BTBD3: variants seen among roughly 807,000 people sequenced by gnomAD.
BTBD3 encodes the protein BTB domain containing 3.
Under a neutral mutation model 41.6 loss-of-function variants are expected in BTBD3, and 14 were observed. The observed-to-expected ratio is 0.34, with a 90% CI of 0.22 to 0.53. The LOEUF is 0.53. Among genes scored for constraint, BTBD3 ranks in the 20% least tolerant of loss-of-function variants. BTBD3 has a pLI of 0.95. For synonymous variants in BTBD3, 249 were observed against 233.7 expected, an observed-to-expected ratio of 1.07 and a Z score of -0.60; for missense variants, 426 against 654.7, an observed-to-expected ratio of 0.65 and a Z score of 3.81.
rs374872852 is a variant in BTBD3, at chr20:11,906,380, C to T, written c.-125-11954C>T. On this transcript the variant is annotated intron_variant, in intron 1 of 4. Transcript: ENST00000254977. ...CCCAGGCTCAAGTATTCTCCTGCCT[C>T]AGCCTCTCAAGTAGCTGGGATTACA... is the stretch of plus-strand genomic sequence containing the variant. Among the ~76,000 whole-genome samples, 106 of 146,898 alleles carry T rather than the reference C, an allele frequency of 7.2e-4. 2 individuals carry two copies. The East Asian group carries it at 0.011, about 15-fold the overall frequency.
chr20:11,891,163 G>A (rs1457364390), intron 1 of BTBD3, among the ~76,000 whole-genome samples: 1 of 146,888 alleles, frequency 6.8e-6, no homozygotes, highest in East Asian at 2.1e-4. Context: ...CTGGCCGCGC[G>A]GGCTGGCTTT....
At chr20:11,901,515 C>T (rs1438364512) in intron 1 of BTBD3, among the ~76,000 whole-genome samples, 1 of 152,180 alleles carries the variant, frequency 6.6e-6, no homozygotes, top group Non-Finnish European at 1.5e-5. Flanking sequence ...TCAGCACCTA[C>T]TTAATAAATG....
In BTBD3 at chr20:11,922,887, A is replaced by G. The variant is rs1253851602; in HGVS notation, c.790A>G (p.Ile264Val). The G allele has an allele frequency of 6.2e-7, 1 of 1,614,234 alleles. No individual in the cohort carries two copies. Among genetic ancestry groups the G allele is most frequent in the East Asian group, 2.2e-5 (1 of 44,882 alleles). Reference sequence around the variant, plus strand: ...TCTCAAGTCTGAGGGATTCTGCGATATTGACTTCCAGACACTAGAAAGTAT... The same window carrying G: ...TCTCAAGTCTGAGGGATTCTGCGATGTTGACTTCCAGACACTAGAAAGTAT... ...LALKSEGFCD[I>V]DFQTLESILR... The change falls in exon 4 of 4, where the codon ATT (isoleucine) becomes GTT (valine). Residue 264 changes from isoleucine (I) to valine (V), a missense_variant. Around this residue, in one of 3 missense-constraint regions of BTBD3, gnomAD observed 321 missense variants for 534.8 expected, o/e 0.60. Transcript: ENST00000378226.
chr20:11,918,778 A>G (rs2056940402), intron 1 of BTBD3, 177 bp downstream of exon 1: 12 of 718,126 alleles, frequency 1.7e-5, no homozygotes, highest in Non-Finnish European at 8.6e-6. Flanking sequence ...TTTTCCTCTT[A>G]GATAAAAATG....
intron 1 of BTBD3, among the ~76,000 whole-genome samples, chr20:11,902,113 A>G (rs1380475451): frequency 2.6e-5 from 4 of 152,176 alleles, no homozygotes; most frequent in Non-Finnish European, 4.4e-5. Flanking sequence ...AACTTAACTA[A>G]TAGCTTACTG....
chr20:11,908,153 C>T (rs1368087312), intron 1 of BTBD3, among the ~76,000 whole-genome samples: 6 of 152,024 alleles, frequency 3.9e-5, no homozygotes, highest in Non-Finnish European at 7.4e-5. Context: ...ATGGCATCTC[C>T]GCAGATGACA....
intron 3 of BTBD3, among the ~76,000 whole-genome samples, chr20:11,920,627 A>AC (rs2056963126): frequency 6.6e-6 from 1 of 152,208 alleles, no homozygotes; most frequent in Non-Finnish European, 1.5e-5. Flanking sequence ...GTGGTAGTTC[A>AC]CCAAGTGATC....
rs188166269 is a variant in BTBD3, at chr20:11,906,749, G to A, written c.-125-11585G>A. On this transcript the variant is annotated intron_variant, in intron 1 of 4. Transcript: ENST00000254977. ...CTGCAGTAATCTGAAATGAGACATC[G>A]CCCATCTTAGAATTGTGGTTTATTT... 1.1e-4 allele frequency among the ~76,000 whole-genome samples: 16 copies of A among 152,170 alleles called. 1 individual carries two copies. The East Asian group carries it at 1.9e-3, about 18-fold the overall frequency.
At chr20:11,905,291 A>G (rs1056049761) in intron 1 of BTBD3, among the ~76,000 whole-genome samples, 1 of 152,196 alleles carries the variant, frequency 6.6e-6, no homozygotes, top group African/African-American at 2.4e-5. Flanking sequence ...TGGCATTTCA[A>G]GAAAAAAGCT....
intron 1 of BTBD3, among the ~76,000 whole-genome samples, chr20:11,900,641 A>C (rs1466743458): frequency 1.3e-5 from 2 of 151,164 alleles, no homozygotes; most frequent in Non-Finnish European, 1.5e-5. Flanking sequence ...GTAGACTGCC[A>C]CCTATTTTCA....
chr20:11,913,006 T>C (rs551436105), upstream of BTBD3, among the ~76,000 whole-genome samples: 11 of 152,340 alleles, frequency 7.2e-5, no homozygotes, highest in African/African-American at 2.4e-4. Context: ...TTGCTCAGTA[T>C]TGAAGGGACA....
chr20:11,901,869 G>C (rs2056825658), intron 1 of BTBD3, among the ~76,000 whole-genome samples: 1 of 152,168 alleles, frequency 6.6e-6, no homozygotes, highest in Admixed American at 6.5e-5. Flanking sequence ...TGTTTCTATA[G>C]TATTATATAG....
At position 11,890,881 on chromosome 20, in the gene BTBD3, C is replaced by G. The variant is rs964966138; in HGVS notation, c.-199C>G. ...GGCGCTGGATCTCCGAGTGCCCCGG[C>G]CGGGGCCTGAGGAGCGGGCACAGGG... is the stretch of plus-strand genomic sequence containing the variant. On this transcript the variant is annotated 5_prime_UTR_variant, in exon 1 of 5. Coordinates refer to the BTBD3 transcript ENST00000254977. 17 of 984,918 alleles carry G rather than the reference C, an allele frequency of 1.7e-5. No homozygotes were observed. In the African/African-American group the frequency reaches 3.0e-4, roughly 17 times the overall value. The allele number at this position is 984,918 out of a possible 1,614,324, so 61.0% of individuals were successfully genotyped here. A position where few individuals can be genotyped will look rare whatever the true frequency, so the allele number is the denominator to read the frequency against.
At chr20:11,921,756 G>A (rs1478872946) in intron 3 of BTBD3, 30 of 152,166 alleles carry the variant, frequency 2.0e-4, no homozygotes, top group Non-Finnish European at 1.6e-4. Flanking sequence ...TAAGTTTTAT[G>A]TGTTTCACTA....
At chr20:11,906,907 G>A (rs1265914124) in intron 1 of BTBD3, among the ~76,000 whole-genome samples, 1 of 152,136 alleles carries the variant, frequency 6.6e-6, no homozygotes, top group Non-Finnish European at 1.5e-5. Flanking sequence ...ACACATTTCA[G>A]GACCACATTA....
chr20:11,896,517 A>G (rs1451570740), intron 1 of BTBD3, among the ~76,000 whole-genome samples: 1 of 152,248 alleles, frequency 6.6e-6, no homozygotes, highest in Non-Finnish European at 1.5e-5. Flanking sequence ...TTTCTGGAAC[A>G]TTATCGAATA....
intron 1 of BTBD3, among the ~76,000 whole-genome samples, chr20:11,893,599 T>C (rs2056769162): frequency 6.6e-6 from 1 of 152,262 alleles, no homozygotes; most frequent in African/African-American, 2.4e-5. Flanking sequence ...TGTGCATTAA[T>C]GTACATTTAT....
intron 2 of BTBD3, 164 bp downstream of exon 2, chr20:11,919,340 AT>A (rs1030999066): frequency 1.0e-5 from 14 of 1,401,736 alleles, no homozygotes; most frequent in Non-Finnish European, 1.2e-5. Flanking sequence ...GCCACGCTTA[AT>A]TTTTTCTTTG....
chr20:11,894,032 A>G (rs1180429163), intron 1 of BTBD3, among the ~76,000 whole-genome samples: 1 of 152,216 alleles, frequency 6.6e-6, no homozygotes, highest in Non-Finnish European at 1.5e-5. Context: ...GTGGCTTGAG[A>G]ATACAGTATT....
Sources: gnomAD v4.1 joint callset for allele counts (sites outside exome capture counted in the v4.1 genomes callset) on GRCh38, gnomAD v4.1.1 for gene constraint, gnomAD v4.1.1 regional missense constraint, MANE v1.5 for transcripts, NCBI Gene and HGNC (gene_info 2026-07-23, HGNC 2026-07-21) for gene names.